MFSD2A: variants seen among roughly 807,000 people sequenced by gnomAD.
The protein encoded by MFSD2A is MFSD2 lysolipid transporter A, lysophospholipid.
MFSD2A carries 27 observed loss-of-function variants against 64.7 expected under a neutral mutation model. That is an observed-to-expected ratio of 0.42 (90% CI 0.31 to 0.58). The LOEUF (loss-of-function observed/expected upper bound fraction) is 0.58, where lower values mean the gene tolerates loss of function less well. Among genes scored for constraint, MFSD2A ranks in the 20% least tolerant of loss-of-function variants. The pLI is 0.18. For missense variants in MFSD2A, 474 were observed against 679.5 expected, an observed-to-expected ratio of 0.70 and a Z score of 3.36; for synonymous variants, 258 against 273.4, an observed-to-expected ratio of 0.94 and a Z score of 0.55.
At chr1:39,957,311 T>TTTCA in intron 2 of MFSD2A, 90 bp downstream of exon 2, 1 of 1,351,010 alleles carries the variant, frequency 7.4e-7, no homozygotes, top group Non-Finnish European at 9.9e-7. Context: ...GTTTTCCCCA[T>TTTCA]CTGTGAAATG....
chr1:39,956,943 AAAG>A (rs1376620649), intron 1 of MFSD2A, 141 bp from the exon 2 acceptor site: 5 of 605,888 alleles, frequency 8.3e-6, no homozygotes, highest in African/African-American at 4.2e-5. Flanking sequence ...AAAAAAAAAA[AAAG>A]GTGGGATCTC....
chr1:39,965,017 C>A lies in MFSD2A; in HGVS notation c.354-194C>A. 1.5e-6 allele frequency: 1 copy of A among 674,924 alleles called. No homozygotes were observed. The highest frequency in any genetic ancestry group is 3.0e-5 in the Admixed American group (1 of 33,830). 41.8% of individuals were successfully genotyped at this position (674,924 alleles called of 1,614,324 possible). ...GGATTTCAGTCTGGGGTCCCAGTTC[C>A]CATCTGCCATTCCGGGCTTGGTCAT... is the stretch of plus-strand genomic sequence containing the variant. On this transcript the variant is annotated intron_variant, in intron 3 of 13. Coordinates refer to ENST00000372811, the MANE Select transcript of MFSD2A (RefSeq NM_032793.5). This position sits in a 1 kb window ranked among gnomAD's most constrained non-coding sequence, Gnocchi z 5.5.
rs1003008509 is a variant in MFSD2A at position 39,963,066 on chromosome 1, A to T, written c.354-2145A>T. The T allele has an allele frequency of 2.6e-5, 37 of 1,416,768 alleles. No individual in the cohort carries two copies. In the African/African-American group the frequency reaches 4.8e-4, roughly 18 times the overall value. The allele number at this position is 1,416,768 out of a possible 1,614,324, so 87.8% of individuals were successfully genotyped here. ...GCGCAGAGGCTACTGGGGGAACAAG[A>T]TCAGCAAGCCCCACACCGTCCCTTG... is the stretch of plus-strand genomic sequence containing the variant. On this transcript the variant is annotated intron_variant, in intron 3 of 13. Coordinates refer to ENST00000372811, the MANE Select transcript of MFSD2A (RefSeq NM_032793.5). This position sits in a 1 kb window ranked among gnomAD's most constrained non-coding sequence, Gnocchi z 4.2.
chr1:39,957,318 A>G, intron 2 of MFSD2A, 97 bp downstream of exon 2: 1 of 1,272,048 alleles, frequency 7.9e-7, no homozygotes, highest in Non-Finnish European at 1.1e-6. Flanking sequence ...CCATCTGTGA[A>G]ATGGGACCCC....
At chr1:39,961,115 C>A (rs1645030962) in intron 3 of MFSD2A, among the ~76,000 whole-genome samples, 1 of 151,802 alleles carries the variant, frequency 6.6e-6, no homozygotes, top group Non-Finnish European at 1.5e-5. Context: ...CCATGCCTGG[C>A]CAGACCTCTC....
intron 6 of MFSD2A, 132 bp downstream of exon 6, chr1:39,966,146 C>T: frequency 1.4e-5 from 14 of 1,033,792 alleles, no homozygotes; most frequent in Non-Finnish European, 2.0e-5. Flanking sequence ...ACAATTAATG[C>T]ACCCAATATA....
At chr1:39,959,792 C>T (rs192802412) in intron 3 of MFSD2A, among the ~76,000 whole-genome samples, 1 of 152,256 alleles carries the variant, frequency 6.6e-6, no homozygotes, top group East Asian at 1.9e-4. Context: ...CAAGCAGTGT[C>T]TGGGACACTA....
chr1:39,968,184 A>C lies in MFSD2A; in HGVS notation c.1209-150A>C. 1.1e-6 allele frequency: 1 copy of C among 923,200 alleles called. No homozygotes were observed. Among genetic ancestry groups the C allele is most frequent in the East Asian group, 2.6e-5 (1 of 38,338 alleles). The allele number at this position is 923,200 out of a possible 1,614,324, so 57.2% of individuals were successfully genotyped here. A position where few individuals can be genotyped will look rare whatever the true frequency, so the allele number is the denominator to read the frequency against. On this transcript the variant is annotated intron_variant, in intron 11 of 13. Transcript: ENST00000372811. The surrounding 1 kb of genome is among the most constrained non-coding windows in gnomAD (Gnocchi z 4.4). The stretch of plus-strand genomic sequence containing the variant: ...AGGCAGGGTTACTTCCTCTTAGAGC[A>C]AGAGGCCTTTTCTTATTCATGTGAA...
At position 39,964,375 on chromosome 1, in the gene MFSD2A, A is replaced by G. The variant is rs1382351277; in HGVS notation, c.354-836A>G. 1 of 152,234 alleles carries G rather than the reference A, an allele frequency of 6.6e-6. No individual in the cohort carries two copies. Among genetic ancestry groups the G allele is most frequent in the Non-Finnish European group, 1.5e-5 (1 of 68,044 alleles). The allele number at this position is 152,234 out of a possible 1,614,324, so 9.4% of individuals were successfully genotyped here. ...GAGGAAATGAGGAAACGAGCTTCAG[A>G]TAATTTAAATAACTTCCCAAGACTA... On this transcript the variant is annotated intron_variant, in intron 3 of 13. Transcript: ENST00000372811. This position sits in a 1 kb window ranked among gnomAD's most constrained non-coding sequence, Gnocchi z 4.1.
At position 39,969,601 on chromosome 1, in the gene MFSD2A, A is replaced by T. The variant is rs1211655895; in HGVS notation, c.*33A>T. On this transcript the variant is annotated 3_prime_UTR_variant, in exon 14 of 14. Transcript: ENST00000372811. ...CACGTTGCCCGAAGCCACCATGCAG[A>T]AGGCCACAGAAGGGATCAGGACCTG... 6.3e-7 allele frequency: 1 copy of T among 1,592,990 alleles called. No individual in the cohort carries two copies. Among genetic ancestry groups the T allele is most frequent in the East Asian group, 2.3e-5 (1 of 43,758 alleles).
rs1233241767 is a variant in MFSD2A at position 39,968,551 on chromosome 1, AC to A, written c.1353-13del. On this transcript the variant is annotated splice_polypyrimidine_tract_variant and intron_variant, in intron 12 of 13. Coordinates refer to ENST00000372811, the MANE Select transcript of MFSD2A (RefSeq NM_032793.5). The surrounding 1 kb of genome is among the most constrained non-coding windows in gnomAD (Gnocchi z 4.4). ...GGTGCCCCATCTTCACCGTTCTCCTACCCCCTGGGTCCCATAGCTTTGCAGG... is the reference window on the plus strand; with the variant it reads ...GGTGCCCCATCTTCACCGTTCTCCTACCCCTGGGTCCCATAGCTTTGCAGG... 1.2e-6 allele frequency: 2 copies of A among 1,613,264 alleles called. No homozygotes were observed. Among genetic ancestry groups the A allele is most frequent in the Non-Finnish European group, 1.7e-6 (2 of 1,179,734 alleles).
In MFSD2A at chr1:39,968,162, C is replaced by A; in HGVS notation, c.1209-172C>A. On this transcript the variant is annotated intron_variant, in intron 11 of 13. Transcript: ENST00000372811. The surrounding 1 kb of genome is among the most constrained non-coding windows in gnomAD (Gnocchi z 4.4). ...ACTTGCCACGCTGAGCACCTCCAGG[C>A]AGGGTTACTTCCTCTTAGAGCAAGA... 1 of 785,614 alleles carries A rather than the reference C, an allele frequency of 1.3e-6. No homozygotes were observed. Among genetic ancestry groups the A allele is most frequent in the Non-Finnish European group, 2.0e-6 (1 of 502,108 alleles). 48.7% of individuals were successfully genotyped at this position (785,614 alleles called of 1,614,324 possible).
Position 39,969,614 on chromosome 1 carries a change from G to T in MFSD2A, c.*46G>T. 6 of 1,570,598 alleles carry T rather than the reference G, an allele frequency of 3.8e-6. No individual in the cohort carries two copies. The highest frequency in any genetic ancestry group is 5.2e-6 in the Non-Finnish European group (6 of 1,149,484). On this transcript the variant is annotated 3_prime_UTR_variant, in exon 14 of 14. Coordinates refer to ENST00000372811, the MANE Select transcript of MFSD2A (RefSeq NM_032793.5). ...GCCACCATGCAGAAGGCCACAGAAG[G>T]GATCAGGACCTGTCTGCCGGCTTGC...
chr1:39,965,616 G>C lies in MFSD2A; in HGVS notation c.556+67G>C. On this transcript the variant is annotated intron_variant, in intron 5 of 13. Coordinates refer to ENST00000372811, the MANE Select transcript of MFSD2A (RefSeq NM_032793.5). This position sits in a 1 kb window ranked among gnomAD's most constrained non-coding sequence, Gnocchi z 5.5. Reference sequence around the variant, plus strand: ...CTCCAGCCATACTTCTTCCCTTGCGGGTCCAGCTCTTTGCTCTGCTCTAGA... The same window carrying C: ...CTCCAGCCATACTTCTTCCCTTGCGCGTCCAGCTCTTTGCTCTGCTCTAGA... The C allele has an allele frequency of 1.3e-6, 2 of 1,517,898 alleles. No individual in the cohort carries two copies. The highest frequency in any genetic ancestry group is 2.3e-5 in the South Asian group (2 of 88,726). 94.0% of individuals were successfully genotyped at this position (1,517,898 alleles called of 1,614,324 possible).
Position 39,968,560 on chromosome 1 carries a change from G to A in MFSD2A, c.1353-9G>A, listed in dbSNP as rs1645212675. 1.9e-6 allele frequency: 3 copies of A among 1,613,984 alleles called. No individual in the cohort carries two copies. Among genetic ancestry groups the A allele is most frequent in the Admixed American group, 1.7e-5 (1 of 60,008 alleles). The stretch of plus-strand genomic sequence containing the variant: ...TCTTCACCGTTCTCCTACCCCCTGG[G>A]TCCCATAGCTTTGCAGGGTACCAGA... On this transcript the variant is annotated splice_polypyrimidine_tract_variant and intron_variant, in intron 12 of 13. Transcript: ENST00000372811. This position sits in a 1 kb window ranked among gnomAD's most constrained non-coding sequence, Gnocchi z 4.4.
intron 9 of MFSD2A, 30 bp downstream of exon 9, chr1:39,967,199 C>A: frequency 6.3e-7 from 1 of 1,597,318 alleles, no homozygotes. Context: ...GGGCGGGCAG[C>A]CTGGGCTGAG....
chr1:39,955,650 C>A lies in MFSD2A; in HGVS notation c.93+265C>A, dbSNP rs536295192. 758 of 669,896 alleles carry A rather than the reference C, an allele frequency of 1.1e-3. 2 individuals are homozygous for A. The highest frequency in any genetic ancestry group is 1.8e-3 in the Non-Finnish European group (644 of 364,258). 41.5% of individuals were successfully genotyped at this position (669,896 alleles called of 1,614,324 possible). On this transcript the variant is annotated intron_variant, in intron 1 of 13. Transcript: ENST00000372811. This position sits in a 1 kb window ranked among gnomAD's most constrained non-coding sequence, Gnocchi z 5.9. ...AGCCCCATGTGATTCCCCGCTCTGC[C>A]TAGCCGGTTTCCATTCTTCCGTGTT...
rs1048806278 is a variant in MFSD2A at position 39,960,563 on chromosome 1, G to A, written c.353+1738G>A. ...GGCAGCCAGTAGAAGGGGAGGCTCT[G>A]CTGCCACGTCGCCTCATGAGGCCCA... On this transcript the variant is annotated intron_variant, in intron 3 of 13. Coordinates refer to ENST00000372811, the MANE Select transcript of MFSD2A (RefSeq NM_032793.5). The surrounding 1 kb of genome is among the most constrained non-coding windows in gnomAD (Gnocchi z 4.8). Among the ~76,000 whole-genome samples the A allele has an allele frequency of 1.3e-5, 2 of 152,252 alleles. No individual in the cohort carries two copies. The highest frequency in any genetic ancestry group is 2.4e-5 in the African/African-American group (1 of 41,480).
chr1:39,967,516 T>C, intron 9 of MFSD2A, 112 bp from the exon 10 acceptor site: 1 of 951,742 alleles, frequency 1.1e-6, no homozygotes, highest in Non-Finnish European at 1.7e-6. Context: ...CCACATGATG[T>C]CATCTGGCTG....
Sources: gnomAD v4.1 joint callset for allele counts (sites outside exome capture counted in the v4.1 genomes callset) on GRCh38, gnomAD v4.1.1 for gene constraint, Gnocchi (gnomAD v3.1) non-coding constraint, MANE v1.5 for transcripts, NCBI Gene and HGNC (gene_info 2026-07-23, HGNC 2026-07-21) for gene names.